Variants in DEGS2 observed in about 807,000 individuals in gnomAD.
The protein encoded by DEGS2 is sphingolipid delta(4)-desaturase/C4-monooxygenase DES2.
In DEGS2, 19 loss-of-function variants were observed where a neutral mutation model predicts 23.8. That is an observed-to-expected ratio of 0.80 (90% confidence interval 0.56 to 1.17). The LOEUF (loss-of-function observed/expected upper bound fraction) is 1.17. Ranked by LOEUF, DEGS2 falls within the 50% of genes most tolerant of loss-of-function variation. The pLI is 0.00. For synonymous variants in DEGS2, 218 were observed against 213.7 expected (o/e 1.02, Z -0.18); for missense variants, 390 against 459.5 (o/e 0.85, Z 1.38).
At chr14:100,160,500 G>A (rs987149809), upstream of DEGS2, among the ~76,000 whole-genome samples, 1 of 152,214 alleles carries the variant, frequency 6.6e-6, no homozygotes, top group Non-Finnish European at 1.5e-5. Flanking sequence ...TCTAGTTTTG[G>A]GGAGGTAAGG....
intron 1 of DEGS2, among the ~76,000 whole-genome samples, chr14:100,158,651 T>C (rs957328931): frequency 3.6e-5 from 5 of 140,272 alleles, no homozygotes; most frequent in African/African-American, 1.3e-4. Context: ...GACTGAAGAT[T>C]ACAAAGTGTG....
At chr14:100,153,304 T>TA (rs1329029552) in intron 1 of DEGS2, among the ~76,000 whole-genome samples, 2 of 149,782 alleles carry the variant, frequency 1.3e-5, no homozygotes, top group South Asian at 2.1e-4. Flanking sequence ...GATAGATAGA[T>TA]AATAGATGTG....
chr14:100,163,949 G>A (rs965093461), upstream of DEGS2, among the ~76,000 whole-genome samples: 13 of 152,108 alleles, frequency 8.5e-5, no homozygotes, highest in Non-Finnish European at 1.3e-4. Flanking sequence ...GGTGGCTCAT[G>A]CCCGCCCATA....
chr14:100,166,423 C>T, the DEGS2 span, among the ~76,000 whole-genome samples: 1 of 150,306 alleles, frequency 6.7e-6, no homozygotes, highest in East Asian at 2.0e-4. Context: ...AGGACCCCCG[C>T]CCCCACAGGG....
At chr14:100,151,830 C>T (rs1269345684) in intron 1 of DEGS2, among the ~76,000 whole-genome samples, 1 of 152,228 alleles carries the variant, frequency 6.6e-6, no homozygotes, top group Non-Finnish European at 1.5e-5. Flanking sequence ...TGACTGACTC[C>T]TTGACAGGAG....
At chr14:100,146,945 C>G (rs370870459) in intron 2 of DEGS2, 38 bp from the exon 3 acceptor site, 114 of 1,595,128 alleles carry the variant, frequency 7.1e-5, no homozygotes, top group Middle Eastern at 1.7e-4. Flanking sequence ...GCTGGTTCTC[C>G]TCGGGGCCGC....
At position 100,149,727 on chromosome 14, in the gene DEGS2, G is replaced by A. The variant is rs746337619; in HGVS notation, c.83-17C>T. The A allele has an allele frequency of 6.3e-6, 10 of 1,582,994 alleles. No individual in the cohort carries two copies. In the African/African-American group the frequency reaches 1.1e-4, roughly 17 times the overall value. On this transcript the variant is annotated splice_polypyrimidine_tract_variant and intron_variant, in intron 1 of 2. Coordinates refer to ENST00000305631, the MANE Select transcript of DEGS2 (RefSeq NM_206918.3). ...GGTACTTGGCTGCAAGGAAGACAGG[G>A]AGGTATGAGGCCCCGCTCGGTGGGG...
intron 1 of DEGS2, among the ~76,000 whole-genome samples, chr14:100,151,564 A>G (rs1036735250): frequency 2.0e-5 from 3 of 152,350 alleles, no homozygotes; most frequent in Non-Finnish European, 4.4e-5. Context: ...GGAGCCCGAG[A>G]CACCCACACT....
chr14:100,160,416 C>T (rs143082897), upstream of DEGS2, among the ~76,000 whole-genome samples: 35 of 152,328 alleles, frequency 2.3e-4, no homozygotes, highest in East Asian at 6.0e-3. Context: ...AAGGGAAAGG[C>T]ATTGGTGCTA....
chr14:100,150,332 G>T (rs1471346492), intron 1 of DEGS2, among the ~76,000 whole-genome samples: 1 of 151,880 alleles, frequency 6.6e-6, no homozygotes, highest in Non-Finnish European at 1.5e-5. Context: ...TGCCCCCAGG[G>T]CAGTAGCCAA....
upstream of DEGS2, among the ~76,000 whole-genome samples, chr14:100,162,573 T>C (rs1889761801): frequency 6.6e-6 from 1 of 151,982 alleles, no homozygotes; most frequent in African/African-American, 2.4e-5. Flanking sequence ...TCAGCCAAAA[T>C]ATAGTTTCTT....
At chr14:100,155,942 C>T (rs1026791795) in intron 1 of DEGS2, among the ~76,000 whole-genome samples, 5 of 152,194 alleles carry the variant, frequency 3.3e-5, no homozygotes, top group African/African-American at 4.8e-5. Flanking sequence ...GCCAGTCTCG[C>T]TGGCTCCGGT....
upstream of DEGS2, among the ~76,000 whole-genome samples, chr14:100,163,036 G>A (rs577815336): frequency 6.6e-6 from 1 of 152,358 alleles, no homozygotes; most frequent in African/African-American, 2.4e-5. Context: ...ACCGACCCAA[G>A]AAGGAGCAGA....
chr14:100,166,245 G>GA, the DEGS2 span, among the ~76,000 whole-genome samples: 2 of 124,280 alleles, frequency 1.6e-5, no homozygotes, highest in Non-Finnish European at 3.4e-5. Flanking sequence ...AGAGTGGGGG[G>GA]AGCCTGTCCG....
chr14:100,162,005 T>C (rs1280172324), upstream of DEGS2, among the ~76,000 whole-genome samples: 1 of 151,024 alleles, frequency 6.6e-6, no homozygotes, highest in East Asian at 1.9e-4. Flanking sequence ...TGAGCTGAGA[T>C]TGCACCATTG....
At chr14:100,162,103 T>C (rs1889755647), upstream of DEGS2, among the ~76,000 whole-genome samples, 1 of 150,368 alleles carries the variant, frequency 6.7e-6, no homozygotes, top group Non-Finnish European at 1.5e-5. Flanking sequence ...ATCCCAGCAC[T>C]TTGGGAGGCC....
At position 100,146,826 on chromosome 14, in the gene DEGS2, C is replaced by G; in HGVS notation, c.907G>C (p.Glu303Gln). 3 of 1,613,888 alleles carry G rather than the reference C, an allele frequency of 1.9e-6. No individual in the cohort carries two copies. Among genetic ancestry groups the G allele is most frequent in the Non-Finnish European group, 2.5e-6 (3 of 1,179,936 alleles). The change falls in exon 3 of 3, where the codon GAG (glutamate) becomes CAG (glutamine). Residue 303 changes from glutamate to glutamine, a missense_variant. Coordinates refer to ENST00000305631, the MANE Select transcript of DEGS2 (RefSeq NM_206918.3). ...CTGGCATAGGGCCCCAGGGAGTCCTCAAACACAAAATCCCAGAGCACCTTC... is the reference window on the plus strand; with the variant it reads ...CTGGCATAGGGCCCCAGGGAGTCCTGAAACACAAAATCCCAGAGCACCTTC... ...WVKVLWDFVFEDSLGPYARVK... is the reference protein window; with the variant it reads ...WVKVLWDFVFQDSLGPYARVK...
chr14:100,165,905 C>T, the DEGS2 span, among the ~76,000 whole-genome samples: 1 of 131,714 alleles, frequency 7.6e-6, no homozygotes, highest in African/African-American at 2.9e-5. Flanking sequence ...GAAGGAGGCC[C>T]CCTGAAGTGG....
upstream of DEGS2, among the ~76,000 whole-genome samples, chr14:100,163,163 C>T (rs573802777): frequency 4.6e-5 from 7 of 152,302 alleles, no homozygotes; most frequent in East Asian, 1.9e-4. Context: ...ACACCCGAGC[C>T]GGGCGAGGTG....
Sources: gnomAD v4.1 joint callset for allele counts (sites outside exome capture counted in the v4.1 genomes callset) on GRCh38, gnomAD v4.1.1 for gene constraint, MANE v1.5 for transcripts, NCBI Gene and HGNC (gene_info 2026-07-23, HGNC 2026-07-21) for gene names.